XKR6: variants seen among roughly 807,000 people sequenced by gnomAD.
The protein encoded by XKR6 is XK related 6.
Under a neutral mutation model 56.7 loss-of-function variants are expected in XKR6, and 22 were observed. The observed-to-expected ratio is 0.39, with a 90% CI of 0.28 to 0.55. The LOEUF (loss-of-function observed/expected upper bound fraction) is 0.55. Among genes scored for constraint, XKR6 ranks in the 20% least tolerant of loss-of-function variants. The pLI, the probability that XKR6 is intolerant of heterozygous loss-of-function variation, is 0.66. For synonymous variants in XKR6, 524 were observed against 387.8 expected, an observed-to-expected ratio of 1.35 and a Z score of -4.13; for missense variants, 852 against 889.0, an observed-to-expected ratio of 0.96 and a Z score of 0.53.
At chr8:10,995,182 G>A (rs1401139748) in intron 1 of XKR6, among the ~76,000 whole-genome samples, 3 of 152,018 alleles carry the variant, frequency 2.0e-5, no homozygotes, top group Non-Finnish European at 4.4e-5. Context: ...ATGCCGGTAA[G>A]AGGCAGGAGA....
intron 1 of XKR6, among the ~76,000 whole-genome samples, chr8:11,129,216 G>A (rs999389840): frequency 3.9e-5 from 6 of 152,116 alleles, no homozygotes; most frequent in East Asian, 1.9e-4. Context: ...ACTCTTACAC[G>A]CCACTGAATT....
intron 1 of XKR6, among the ~76,000 whole-genome samples, chr8:10,973,478 C>T (rs965821145): frequency 2.6e-5 from 4 of 152,242 alleles, no homozygotes; most frequent in Non-Finnish European, 2.9e-5. Context: ...ATCTTCCCAA[C>T]CACCCTCTGA....
At chr8:10,902,008 C>G (rs1253438909) in intron 2 of XKR6, among the ~76,000 whole-genome samples, 2 of 152,204 alleles carry the variant, frequency 1.3e-5, no homozygotes, top group Non-Finnish European at 2.9e-5. Flanking sequence ...TACCCCATTT[C>G]CAGGTGTGTC....
chr8:11,015,989 A>G (rs1203994353), intron 1 of XKR6, among the ~76,000 whole-genome samples: 1 of 152,126 alleles, frequency 6.6e-6, no homozygotes, highest in Non-Finnish European at 1.5e-5. Flanking sequence ...CAGGGCTCAG[A>G]CGATCCGGCT....
intron 1 of XKR6, among the ~76,000 whole-genome samples, chr8:11,162,866 T>C (rs1394751369): frequency 6.6e-6 from 1 of 152,242 alleles, no homozygotes; most frequent in Non-Finnish European, 1.5e-5. Context: ...ATTCCTATCC[T>C]AGCATAGCTA....
chr8:11,057,965 C>T (rs207468938), intron 1 of XKR6, among the ~76,000 whole-genome samples: 1 of 152,220 alleles, frequency 6.6e-6, no homozygotes, highest in East Asian at 1.9e-4. Context: ...GCTTGAAAAT[C>T]ATTGTGTCTG....
intron 1 of XKR6, chr8:11,062,997 T>G (rs1586494544): frequency 2.7e-6 from 1 of 364,018 alleles, no homozygotes; most frequent in South Asian, 2.0e-5. Flanking sequence ...GGAGCCTGGG[T>G]TCTTGAATCC....
Position 10,898,692 on chromosome 8 carries a change from C to A in XKR6, c.1186G>T (p.Ala396Ser). 2 of 1,614,086 alleles carry A rather than the reference C, an allele frequency of 1.2e-6. No homozygotes were observed. The highest frequency in any genetic ancestry group is 1.7e-6 in the Non-Finnish European group (2 of 1,180,010). ...FGIFVVVHWCAMAFWIIHGGT... is the reference protein window; with the variant it reads ...FGIFVVVHWCSMAFWIIHGGT... Reference sequence around the variant, plus strand: ...CCATGGATGATCCAGAAGGCCATGGCGCACCAGTGAACCACCACGAAGATC... The same window carrying A: ...CCATGGATGATCCAGAAGGCCATGGAGCACCAGTGAACCACCACGAAGATC... The change falls in exon 3 of 3, where the codon GCC becomes TCC. Residue 396 changes from alanine to serine, a missense_variant. By Grantham distance (99) the Ala-to-Ser change is moderately conservative. Transcript: ENST00000416569. This position sits in a 1 kb window ranked among gnomAD's most constrained non-coding sequence, Gnocchi z 6.6.
At chr8:11,162,675 C>T (rs1485684890) in intron 1 of XKR6, among the ~76,000 whole-genome samples, 1 of 152,204 alleles carries the variant, frequency 6.6e-6, no homozygotes, top group Non-Finnish European at 1.5e-5. Context: ...CAACTTCTGA[C>T]TTTCTAAAAA....
At chr8:10,925,942 G>C (rs1025075009) in intron 1 of XKR6, among the ~76,000 whole-genome samples, 1 of 152,138 alleles carries the variant, frequency 6.6e-6, no homozygotes, top group African/African-American at 2.4e-5. Flanking sequence ...CCAGAAGCAA[G>C]GGCCACAGTG....
At chr8:10,920,548 C>T (rs1253685806) in intron 2 of XKR6, among the ~76,000 whole-genome samples, 1 of 152,246 alleles carries the variant, frequency 6.6e-6, no homozygotes, top group Non-Finnish European at 1.5e-5. Context: ...CAAGTCCACA[C>T]ATTTTCTCTG....
intron 1 of XKR6, among the ~76,000 whole-genome samples, chr8:11,118,867 C>T (rs1372344040): frequency 4.6e-5 from 7 of 152,098 alleles, no homozygotes; most frequent in Non-Finnish European, 1.0e-4. Context: ...AATGTGTTTG[C>T]TCTTGCTTCT....
intron 1 of XKR6, among the ~76,000 whole-genome samples, chr8:11,045,430 G>C (rs905748046): frequency 2.0e-5 from 3 of 152,104 alleles, no homozygotes; most frequent in Non-Finnish European, 4.4e-5. Context: ...ATCTGATTTT[G>C]ATTGTCCCAA....
chr8:11,002,500 C>T (rs752802715), intron 1 of XKR6: 10 of 364,778 alleles, frequency 2.7e-5, no homozygotes, highest in South Asian at 1.4e-4. Flanking sequence ...CAAAGCCAAC[C>T]GATACACTGA....
intron 1 of XKR6, among the ~76,000 whole-genome samples, chr8:10,969,326 A>T (rs1052161035): frequency 6.6e-6 from 1 of 152,196 alleles, no homozygotes; most frequent in African/African-American, 2.4e-5. Flanking sequence ...GACTTTTAGA[A>T]ATTATGCTCC....
At chr8:10,949,359 G>T (rs1382882983) in intron 1 of XKR6, among the ~76,000 whole-genome samples, 1 of 152,208 alleles carries the variant, frequency 6.6e-6, no homozygotes, top group Non-Finnish European at 1.5e-5. Flanking sequence ...CTTCATCTGG[G>T]GTGCAGCAGC....
rs114604693 is a variant in XKR6 at position 11,054,593 on chromosome 8, T to C, written c.765-129763A>G. Among the ~76,000 whole-genome samples, 700 of 152,280 alleles carry C rather than the reference T, an allele frequency of 4.6e-3. 7 individuals are homozygous for C. Among genetic ancestry groups the C allele is most frequent in the African/African-American group, 0.014 (597 of 41,576 alleles). ...CGCATGCCTGCCTCATAGGGCCCTA[T>C]CCCAGCCATGCTCCGGGAGGGACCT... On this transcript the variant is annotated intron_variant, in intron 1 of 2. Coordinates refer to ENST00000416569, the MANE Select transcript of XKR6 (RefSeq NM_173683.4).
chr8:11,143,950 C>A (rs1800843111), intron 1 of XKR6, among the ~76,000 whole-genome samples: 1 of 152,144 alleles, frequency 6.6e-6, no homozygotes, highest in Non-Finnish European at 1.5e-5. Flanking sequence ...CACAAACAGC[C>A]ACCTTCTCCC....
chr8:11,123,723 G>A (rs1423713698), intron 1 of XKR6: 1 of 382,532 alleles, frequency 2.6e-6, no homozygotes, highest in Non-Finnish European at 5.2e-6. Flanking sequence ...ATCTCCTGAA[G>A]AAATCCAATA....
Sources: allele counts gnomAD v4.1 joint callset (sites outside exome capture counted in the v4.1 genomes callset), GRCh38; gene constraint gnomAD v4.1.1; non-coding constraint Gnocchi (gnomAD v3.1); transcripts MANE v1.5; gene names NCBI Gene and HGNC (gene_info 2026-07-23, HGNC 2026-07-21).